Variants in NFIB observed in about 807,000 individuals in gnomAD.
NFIB encodes the protein nuclear factor 1 B-type.
In NFIB, 11 loss-of-function variants were observed where a neutral mutation model predicts 61.5. The observed-to-expected ratio is 0.18, with a 90% confidence interval of 0.11 to 0.30. The LOEUF is 0.30. Ranked by LOEUF, NFIB falls within the 10% of genes least tolerant of loss-of-function variation. The pLI, the probability that NFIB is intolerant of heterozygous loss-of-function variation, is 1.00. For synonymous variants in NFIB, 260 were observed against 216.5 expected (o/e 1.20, Z -1.76); for missense variants, 471 against 608.9 (o/e 0.77, Z 2.38).
chr9:14,153,953 A>C (rs982335661), intron 4 of NFIB, among the ~76,000 whole-genome samples: 5 of 152,162 alleles, frequency 3.3e-5, no homozygotes, highest in African/African-American at 4.8e-5. Context: ...AAATTACGTA[A>C]TGAATATAGA....
At chr9:14,321,500 A>T (rs2060658831) in intron 1 of NFIB, among the ~76,000 whole-genome samples, 1 of 152,220 alleles carries the variant, frequency 6.6e-6, no homozygotes, top group African/African-American at 2.4e-5. Context: ...TTTTTAAATG[A>T]GAATATCTGT....
At chr9:14,353,853 CT>C (rs59303621) in intron 1 of NFIB, among the ~76,000 whole-genome samples, 13,000 of 118,664 alleles carry the variant, frequency 0.11, 766 homozygotes, top group African/African-American at 0.22. Context: ...GGGGTTTTGT[CT>C]TTTTTTTTTT....
chr9:14,096,337 T>A (rs1303364137), intron 10 of NFIB: 1 of 152,206 alleles, frequency 6.6e-6, no homozygotes, highest in Non-Finnish European at 1.5e-5. Flanking sequence ...AACGTAAGAT[T>A]AAGTTTGTCC....
intron 2 of NFIB, among the ~76,000 whole-genome samples, chr9:14,303,807 T>C (rs1406619612): frequency 3.3e-5 from 5 of 152,334 alleles, no homozygotes; most frequent in South Asian, 2.1e-4. Flanking sequence ...TGGCGGTTCT[T>C]GTAGCAACGA....
At chr9:14,094,032 A>T (rs2034387874) in intron 10 of NFIB, among the ~76,000 whole-genome samples, 1 of 152,066 alleles carries the variant, frequency 6.6e-6, no homozygotes, top group Admixed American at 6.6e-5. Context: ...AAAGACCATT[A>T]TTATCCTGAT....
chr9:14,497,689 A>G, the NFIB span, among the ~76,000 whole-genome samples: 2 of 152,354 alleles, frequency 1.3e-5, no homozygotes, highest in South Asian at 4.1e-4. Flanking sequence ...CTATCACTGT[A>G]CACGTGCTTT....
chr9:14,527,033 C>G, the NFIB span, among the ~76,000 whole-genome samples: 1 of 152,080 alleles, frequency 6.6e-6, no homozygotes, highest in Non-Finnish European at 1.5e-5. Context: ...GAAAATAAAT[C>G]ATGGAAAATG....
chr9:14,422,679 G>C, the NFIB span, among the ~76,000 whole-genome samples: 1 of 152,214 alleles, frequency 6.6e-6, no homozygotes, highest in Non-Finnish European at 1.5e-5. Flanking sequence ...CATAGGTCAT[G>C]GGTCCACATC....
intron 2 of NFIB, among the ~76,000 whole-genome samples, chr9:14,202,616 C>T (rs970625838): frequency 2.0e-5 from 3 of 151,986 alleles, no homozygotes; most frequent in Non-Finnish European, 2.9e-5. Flanking sequence ...ATCACCAAAG[C>T]AAAGTTTCTA....
chr9:14,389,972 G>A (rs2061601121), intron 1 of NFIB, among the ~76,000 whole-genome samples: 2 of 152,160 alleles, frequency 1.3e-5, no homozygotes. Flanking sequence ...ATCGCTTTCA[G>A]ACCTTAGCAC....
chr9:14,480,749 G>A, the NFIB span, among the ~76,000 whole-genome samples: 6 of 152,174 alleles, frequency 3.9e-5, no homozygotes, highest in Non-Finnish European at 4.4e-5. Flanking sequence ...TGGAGGAACA[G>A]TTTAATCAAC....
chr9:14,166,860 A>G (rs2044857345), intron 3 of NFIB, among the ~76,000 whole-genome samples: 1 of 152,160 alleles, frequency 6.6e-6, no homozygotes, highest in African/African-American at 2.4e-5. Context: ...AAAGCAATTT[A>G]GTTTTTCTTG....
the NFIB span, among the ~76,000 whole-genome samples, chr9:14,472,060 G>A: frequency 6.6e-6 from 1 of 152,208 alleles, no homozygotes; most frequent in East Asian, 1.9e-4. Flanking sequence ...CACACATGTA[G>A]AAATAGGAAA....
At chr9:14,223,518 A>G (rs551311565) in intron 2 of NFIB, among the ~76,000 whole-genome samples, 1 of 152,336 alleles carries the variant, frequency 6.6e-6, no homozygotes, top group South Asian at 2.1e-4. Flanking sequence ...ATTTGTCTAT[A>G]AAAATGTAGA....
the NFIB span, among the ~76,000 whole-genome samples, chr9:14,464,379 C>T: frequency 6.6e-6 from 1 of 152,126 alleles, no homozygotes; most frequent in East Asian, 1.9e-4. Context: ...ATCTCTTAGG[C>T]AGTGCTGTGT....
chr9:14,499,777 G>T, the NFIB span, among the ~76,000 whole-genome samples: 1 of 152,038 alleles, frequency 6.6e-6, no homozygotes, highest in African/African-American at 2.4e-5. Context: ...TCCAACCCAG[G>T]GGACTCTGCC....
At chr9:14,380,515 T>G (rs1248960442) in intron 1 of NFIB, among the ~76,000 whole-genome samples, 1 of 152,186 alleles carries the variant, frequency 6.6e-6, no homozygotes, top group Non-Finnish European at 1.5e-5. Context: ...AACAAGGAAG[T>G]CACATAATCC....
At chr9:14,491,349 C>G in the NFIB span, among the ~76,000 whole-genome samples, 1 of 151,910 alleles carries the variant, frequency 6.6e-6, no homozygotes, top group African/African-American at 2.4e-5. Flanking sequence ...CAAGGGAACA[C>G]ATAAACTGAG....
At chr9:14,105,686 C>T (rs2036465926) in intron 10 of NFIB, among the ~76,000 whole-genome samples, 1 of 152,046 alleles carries the variant, frequency 6.6e-6, no homozygotes, top group African/African-American at 2.4e-5. Context: ...ATAGTAATTC[C>T]TAAGAAAATC....
Sources: gnomAD v4.1 joint callset for allele counts (sites outside exome capture counted in the v4.1 genomes callset) on GRCh38, gnomAD v4.1.1 for gene constraint, MANE v1.5 for transcripts, NCBI Gene and HGNC (gene_info 2026-07-23, HGNC 2026-07-21) for gene names.